Variants in NAV2 observed in about 807,000 individuals in gnomAD.
NAV2 encodes the protein helicase, APC down-regulated 1.
NAV2 carries 54 observed loss-of-function variants against 223.2 expected under a neutral mutation model. That is an observed-to-expected ratio of 0.24 (90% CI 0.19 to 0.30). The LOEUF (loss-of-function observed/expected upper bound fraction) is 0.30. Ranked by LOEUF, NAV2 falls within the 10% of genes least tolerant of loss-of-function variation. The pLI is 1.00. For synonymous variants in NAV2, 1,279 were observed against 1,239.3 expected, an observed-to-expected ratio of 1.03 and a Z score of -0.67; for missense variants, 2,806 against 3,147.5, an observed-to-expected ratio of 0.89 and a Z score of 2.60.
chr11:19,363,174 C>T lies in NAV2; in HGVS notation c.75+12147C>T, dbSNP rs547304253. On this transcript the variant is annotated intron_variant, in intron 1 of 37. Transcript: ENST00000360655. ...AGGCCCTGGTGTGTGATGTTCCCCT[C>T]CCTATGTCCATGTGTTCTTATTGTT... is the stretch of plus-strand genomic sequence containing the variant. Among the ~76,000 whole-genome samples, 215 of 152,210 alleles carry T rather than the reference C, an allele frequency of 1.4e-3. 2 individuals carry two copies. Among genetic ancestry groups the T allele is most frequent in the Non-Finnish European group, 1.6e-3 (112 of 68,008 alleles).
chr11:20,080,357 G>T, intron 25 of NAV2, 148 bp downstream of exon 25: 1 of 692,786 alleles, frequency 1.4e-6, no homozygotes, highest in Non-Finnish European at 2.4e-6. Flanking sequence ...TTTGTGGATG[G>T]GTTTTTACTA....
chr11:20,063,332 T>A (rs2058825150), intron 20 of NAV2, among the ~76,000 whole-genome samples: 1 of 152,146 alleles, frequency 6.6e-6, no homozygotes, highest in African/African-American at 2.4e-5. Flanking sequence ...TCAGTACTAC[T>A]GGATTTGTTC....
chr11:19,929,145 T>A (rs925986586), intron 6 of NAV2, among the ~76,000 whole-genome samples: 5 of 152,042 alleles, frequency 3.3e-5, no homozygotes, highest in African/African-American at 1.2e-4. Flanking sequence ...GGTACTCGTC[T>A]GTAAGGCTGA....
chr11:19,552,717 C>T lies in NAV2; in HGVS notation c.75+201690C>T, dbSNP rs561673680. 3.4e-4 allele frequency among the ~76,000 whole-genome samples: 52 copies of T among 152,306 alleles called. 2 individuals carry two copies. The highest frequency in any genetic ancestry group is 9.1e-4 in the African/African-American group (38 of 41,558). The stretch of plus-strand genomic sequence containing the variant: ...GAAAGTGAAAAAAAGATTATTTCAG[C>T]GCTGTAGTGTAAAAGAGCTGAACAG... On this transcript the variant is annotated intron_variant, in intron 1 of 37. Transcript: ENST00000360655.
At chr11:19,689,282 A>G (rs1243143094) in intron 1 of NAV2, among the ~76,000 whole-genome samples, 2 of 152,362 alleles carry the variant, frequency 1.3e-5, no homozygotes, top group East Asian at 3.9e-4. Flanking sequence ...TATTCAAGGG[A>G]GTCAGCATGC....
chr11:19,398,354 C>G (rs752182770), intron 1 of NAV2, among the ~76,000 whole-genome samples: 1 of 152,156 alleles, frequency 6.6e-6, no homozygotes, highest in Non-Finnish European at 1.5e-5. Flanking sequence ...CATGAGCAAT[C>G]AACCCCCTTG....
chr11:20,044,309 A>G, intron 13 of NAV2, 37 bp downstream of exon 13: 1 of 1,562,786 alleles, frequency 6.4e-7, no homozygotes, highest in African/African-American at 1.4e-5. Flanking sequence ...TACAGTTGAC[A>G]TTTTGAAAAC....
At chr11:19,881,907 G>A (rs1380309704) in intron 5 of NAV2, among the ~76,000 whole-genome samples, 1 of 152,192 alleles carries the variant, frequency 6.6e-6, no homozygotes, top group Non-Finnish European at 1.5e-5. Flanking sequence ...CTTAGTAGGG[G>A]AGGAGAGGGA....
At chr11:19,830,526 T>C (rs1220729842) in intron 1 of NAV2, among the ~76,000 whole-genome samples, 1 of 152,220 alleles carries the variant, frequency 6.6e-6, no homozygotes, top group Admixed American at 6.5e-5. Context: ...AGAATGAAGA[T>C]TGAATGAGTT....
intron 36 of NAV2, among the ~76,000 whole-genome samples, chr11:20,112,986 A>G (rs113144031): frequency 7.9e-5 from 12 of 152,300 alleles, no homozygotes; most frequent in African/African-American, 1.9e-4. Flanking sequence ...TGGCCACCCT[A>G]GAGACACACT....
intron 11 of NAV2, among the ~76,000 whole-genome samples, chr11:19,989,991 G>T (rs2568135): frequency 0.15 from 22,373 of 152,110 alleles, 2,115 homozygotes; most frequent in East Asian, 0.5. Flanking sequence ...TGCCCAAACA[G>T]CTGGAAAAGT....
intron 5 of NAV2, among the ~76,000 whole-genome samples, chr11:19,884,770 C>A (rs1472620535): frequency 7.7e-6 from 1 of 130,190 alleles, no homozygotes; most frequent in Non-Finnish European, 1.6e-5. Context: ...ATTTATGTGT[C>A]TTGTGCTTTG....
At chr11:19,576,123 T>G (rs1229945827) in intron 1 of NAV2, among the ~76,000 whole-genome samples, 2 of 152,070 alleles carry the variant, frequency 1.3e-5, no homozygotes, top group Admixed American at 6.5e-5. Context: ...ACACAGCCAT[T>G]TGTGGAATGG....
At chr11:19,834,358 G>C (rs1277293284) in intron 2 of NAV2, among the ~76,000 whole-genome samples, 8 of 152,190 alleles carry the variant, frequency 5.3e-5, no homozygotes, top group African/African-American at 1.9e-4. Context: ...AACCCAGGCA[G>C]TCTGCTTCTA....
intron 12 of NAV2, among the ~76,000 whole-genome samples, chr11:20,043,450 T>G (rs908577611): frequency 5.3e-5 from 8 of 152,196 alleles, no homozygotes; most frequent in Admixed American, 1.3e-4. Flanking sequence ...CTTTTGCTTT[T>G]CTTTTCTTCT....
chr11:19,906,397 C>T (rs1222411122), intron 6 of NAV2, among the ~76,000 whole-genome samples: 1 of 152,134 alleles, frequency 6.6e-6, no homozygotes, highest in Non-Finnish European at 1.5e-5. Context: ...GCTGCAAAGT[C>T]ACATTGCAAA....
chr11:19,775,910 GAAGA>G (rs2056115970), intron 1 of NAV2, among the ~76,000 whole-genome samples: 1 of 152,232 alleles, frequency 6.6e-6, no homozygotes, highest in Non-Finnish European at 1.5e-5. Flanking sequence ...GCAGGTCATA[GAAGA>G]GAGCTGGGAT....
intron 1 of NAV2, among the ~76,000 whole-genome samples, chr11:19,611,196 A>G (rs1241633196): frequency 6.6e-6 from 1 of 151,022 alleles, no homozygotes; most frequent in Non-Finnish European, 1.5e-5. Context: ...TGAGAATAGC[A>G]TGGGAAAGAC....
chr11:20,097,789 GTGTT>G, intron 31 of NAV2, 44 bp downstream of exon 31: 2 of 1,516,104 alleles, frequency 1.3e-6, no homozygotes, highest in Middle Eastern at 3.5e-4. Flanking sequence ...AGGAATTGCA[GTGTT>G]TGTTTTGTGA....
Sources: allele counts gnomAD v4.1 joint callset (sites outside exome capture counted in the v4.1 genomes callset), GRCh38; gene constraint gnomAD v4.1.1; transcripts MANE v1.5; gene names NCBI Gene and HGNC (gene_info 2026-07-23, HGNC 2026-07-21).